Variants in LRRC39 observed in about 807,000 individuals in gnomAD.
The protein encoded by LRRC39 is leucine-rich repeat-containing protein 39.
Under a neutral mutation model 39.7 loss-of-function variants are expected in LRRC39, and 35 were observed. The ratio of observed to expected loss-of-function variants is 0.88; its 90% CI spans 0.67 to 1.17. LRRC39 has a LOEUF of 1.17. Among genes scored for constraint, LRRC39 ranks in the 50% most tolerant of loss-of-function variants. The pLI is 0.00. For synonymous variants in LRRC39, 113 were observed against 134.1 expected (o/e 0.84, Z 1.09); for missense variants, 357 against 385.8 (o/e 0.93, Z 0.62).
intron 8 of LRRC39, among the ~76,000 whole-genome samples, chr1:100,153,233 T>TCTC (rs1658189658): frequency 6.6e-6 from 1 of 152,172 alleles, no homozygotes; most frequent in African/African-American, 2.4e-5. Flanking sequence ...GTTTTGGGTT[T>TCTC]TAGTGGGTAT....
chr1:100,169,765 T>C (rs551219045), intron 2 of LRRC39, among the ~76,000 whole-genome samples: 8 of 152,296 alleles, frequency 5.3e-5, no homozygotes, highest in African/African-American at 1.9e-4. Context: ...AATGTTTTTA[T>C]CTTCTTGGTG....
chr1:100,155,677 C>A (rs574451404), intron 7 of LRRC39, among the ~76,000 whole-genome samples: 2 of 152,236 alleles, frequency 1.3e-5, no homozygotes, highest in South Asian at 4.1e-4. Context: ...GATGAATATG[C>A]CCATTTATAG....
Position 100,148,468 on chromosome 1 carries a change from T to C in LRRC39, c.*574A>G. On this transcript the variant is annotated 3_prime_UTR_variant, in exon 10 of 10. Coordinates refer to ENST00000370137, the MANE Select transcript of LRRC39 (RefSeq NM_144620.4). Reference sequence around the variant, plus strand: ...TAAGCTAAAATATACACATCTTTTATTGTGGTCATAAATATAATGTGTCTT... The same window carrying C: ...TAAGCTAAAATATACACATCTTTTACTGTGGTCATAAATATAATGTGTCTT... The C allele has an allele frequency of 9.2e-7, 1 of 1,086,136 alleles. No individual in the cohort carries two copies. The highest frequency in any genetic ancestry group is 2.6e-5 in the East Asian group (1 of 38,914). 67.3% of individuals were successfully genotyped at this position (1,086,136 alleles called of 1,614,324 possible).
chr1:100,162,644 A>G (rs1291133348), intron 3 of LRRC39, among the ~76,000 whole-genome samples: 1 of 152,128 alleles, frequency 6.6e-6, no homozygotes, highest in Non-Finnish European at 1.5e-5. Context: ...TCTCCAGAAA[A>G]AAAAAAAGAA....
At chr1:100,152,637 C>A in intron 8 of LRRC39, 113 bp from the exon 9 acceptor site, 11 of 1,109,250 alleles carry the variant, frequency 9.9e-6, no homozygotes, top group East Asian at 2.6e-5. Flanking sequence ...TAACTGGTTT[C>A]AATAACTGAA....
At chr1:100,151,527 A>C (rs1051887339) in intron 9 of LRRC39, among the ~76,000 whole-genome samples, 11 of 152,156 alleles carry the variant, frequency 7.2e-5, no homozygotes, top group Admixed American at 2.0e-4. Flanking sequence ...TTGTCTTCTC[A>C]GTTATATTCA....
intron 9 of LRRC39, 146 bp downstream of exon 9, chr1:100,152,239 A>G (rs1199137192): frequency 1.7e-5 from 14 of 822,470 alleles, no homozygotes; most frequent in Non-Finnish European, 1.8e-5. Flanking sequence ...TTCTTCCCAC[A>G]ATATTGACTA....
At chr1:100,162,265 TG>T (rs1199865937) in intron 3 of LRRC39, among the ~76,000 whole-genome samples, 1 of 152,176 alleles carries the variant, frequency 6.6e-6, no homozygotes, top group African/African-American at 2.4e-5. Context: ...CATATAAAAA[TG>T]TATAAAATCT....
chr1:100,163,595 T>TAA lies in LRRC39; in HGVS notation c.114-3026_114-3025dup, dbSNP rs11455249. Among the ~76,000 whole-genome samples the TAA allele has an allele frequency of 4.9e-3, 647 of 132,316 alleles. 5 individuals carry two copies. Among genetic ancestry groups the TAA allele is most frequent in the African/African-American group, 0.015 (556 of 36,470 alleles). The allele number at this position is 132,316 out of a possible 152,430, so 86.8% of individuals were successfully genotyped here. On this transcript the variant is annotated intron_variant, in intron 3 of 9. Coordinates refer to ENST00000370137, the MANE Select transcript of LRRC39 (RefSeq NM_144620.4). ...TCTATAATTCCTATACAGCTTTTTC[T>TAA]AAAAAAAAAAAAAAAAAAATTGAGA... is the stretch of plus-strand genomic sequence containing the variant.
At chr1:100,168,640 A>G in intron 2 of LRRC39, 46 bp from the exon 3 acceptor site, 2 of 682,006 alleles carry the variant, frequency 2.9e-6, no homozygotes, top group Non-Finnish European at 5.0e-6. Context: ...CTGTTCATTG[A>G]GTACCATAAT....
intron 5 of LRRC39, 52 bp downstream of exon 5, chr1:100,159,207 G>A (rs1658691697): frequency 2.0e-6 from 3 of 1,464,056 alleles, no homozygotes; most frequent in Non-Finnish European, 2.7e-6. Flanking sequence ...TTAATAAAAA[G>A]CACATCTGCA....
intron 9 of LRRC39, 45 bp downstream of exon 9, chr1:100,152,340 C>A (rs1055339943): frequency 1.3e-6 from 2 of 1,582,522 alleles, no homozygotes; most frequent in South Asian, 1.2e-5. Context: ...ACACACATTA[C>A]TCTACCAAAA....
At chr1:100,179,241 G>T (rs1203040572), upstream of LRRC39, among the ~76,000 whole-genome samples, 1 of 151,970 alleles carries the variant, frequency 6.6e-6, no homozygotes, top group Non-Finnish European at 1.5e-5. Flanking sequence ...CTTCTATAAT[G>T]AATTAAGTTC....
chr1:100,158,307 T>C lies in LRRC39; in HGVS notation c.437A>G (p.Lys146Arg), dbSNP rs150884667. Residue 146 changes from lysine (K) to arginine (R), a missense_variant, in exon 6 of 10, where the codon AAG becomes AGG. By Grantham distance (26) the Lys-to-Arg change is conservative. Coordinates refer to ENST00000370137, the MANE Select transcript of LRRC39 (RefSeq NM_144620.4). Reference protein sequence around the residue: ...LSYNKIKTVPKELSNCASLEK... With the variant: ...LSYNKIKTVPRELSNCASLEK... ...CAAGCTGGCACAATTACTTAGTTCCTTGGGGACAGTCTTGATTTTGTTGTA... is the reference window on the plus strand; with the variant it reads ...CAAGCTGGCACAATTACTTAGTTCCCTGGGGACAGTCTTGATTTTGTTGTA... 2.9e-4 allele frequency: 462 copies of C among 1,614,074 alleles called. No individual in the cohort carries two copies. The highest frequency in any genetic ancestry group is 3.7e-4 in the Non-Finnish European group (439 of 1,179,950).
intron 4 of LRRC39, 122 bp from the exon 5 acceptor site, chr1:100,159,537 G>T: frequency 1.5e-6 from 1 of 656,686 alleles, no homozygotes. Context: ...GTTTTCCTTA[G>T]TGGGTTACTT....
chr1:100,149,264 C>T, intron 9 of LRRC39, 167 bp from the exon 10 acceptor site: 28 of 1,515,552 alleles, frequency 1.8e-5, no homozygotes, highest in Non-Finnish European at 2.5e-5. Flanking sequence ...TATATGTGGA[C>T]ATTTTTCCCT....
At chr1:100,149,617 ATGTT>A (rs1312667349) in intron 9 of LRRC39, 1 of 486,856 alleles carries the variant, frequency 2.1e-6, no homozygotes, top group East Asian at 4.0e-5. Flanking sequence ...AACAATAAGT[ATGTT>A]CTCTTCTGTT....
intron 3 of LRRC39, among the ~76,000 whole-genome samples, chr1:100,162,279 G>C (rs1221099561): frequency 6.6e-6 from 1 of 151,992 alleles, no homozygotes; most frequent in African/African-American, 2.4e-5. Context: ...TAAAATCTTT[G>C]TCATTTGAAG....
At chr1:100,154,785 C>A (rs1293591305) in intron 8 of LRRC39, among the ~76,000 whole-genome samples, 1 of 152,108 alleles carries the variant, frequency 6.6e-6, no homozygotes, top group African/African-American at 2.4e-5. Context: ...CATAAAAGAC[C>A]TTTGATAAAC....
Sources: gnomAD v4.1 joint callset for allele counts (sites outside exome capture counted in the v4.1 genomes callset) on GRCh38, gnomAD v4.1.1 for gene constraint, MANE v1.5 for transcripts, NCBI Gene and HGNC (gene_info 2026-07-23, HGNC 2026-07-21) for gene names.